ANKS1A: variants seen among roughly 807,000 people sequenced by gnomAD.
ANKS1A encodes ankyrin repeat and SAM domain-containing protein 1A.
A neutral mutation model predicts 120.3 loss-of-function variants in ANKS1A; 55 were observed. The ratio of observed to expected loss-of-function variants is 0.46; its 90% CI spans 0.37 to 0.57. The LOEUF (loss-of-function observed/expected upper bound fraction) is 0.57, where lower values mean the gene tolerates loss of function less well. Ranked by LOEUF, ANKS1A falls within the 20% of genes least tolerant of loss-of-function variation. The pLI is 0.00. For missense variants in ANKS1A, 1,123 were observed against 1,480.3 expected (o/e 0.76, Z 3.96); for synonymous variants, 590 against 604.7 (o/e 0.98, Z 0.36).
intron 13 of ANKS1A, among the ~76,000 whole-genome samples, chr6:35,077,441 G>A (rs1262952262): frequency 2.0e-5 from 3 of 152,202 alleles, no homozygotes; most frequent in Non-Finnish European, 4.4e-5. Flanking sequence ...GGCACCGAGC[G>A]TGTGCGAGAA....
chr6:35,025,526 C>T (rs1581664796), intron 11 of ANKS1A, among the ~76,000 whole-genome samples: 1 of 151,942 alleles, frequency 6.6e-6, no homozygotes, highest in African/African-American at 2.4e-5. Flanking sequence ...GGGGAATGCA[C>T]CCTCCCTGCT....
Position 35,060,066 on chromosome 6 carries a change from AT to A in ANKS1A, c.2078-80del, listed in dbSNP as rs2127591153. 2.6e-6 allele frequency: 3 copies of A among 1,135,624 alleles called. No homozygotes were observed. The highest frequency in any genetic ancestry group is 2.6e-6 in the Non-Finnish European group (2 of 768,544). The allele number at this position is 1,135,624 out of a possible 1,614,324, so 70.3% of individuals were successfully genotyped here. On this transcript the variant is annotated intron_variant, in intron 12 of 23. Coordinates refer to ENST00000360359, the MANE Select transcript of ANKS1A (RefSeq NM_015245.3). This position sits in a 1 kb window ranked among gnomAD's most constrained non-coding sequence, Gnocchi z 4.5. Reference sequence around the variant, plus strand: ...GTAATGACTATGATGTGGCAATGCCATCTATCTTCCTCTGAGTGCCGCTGCT... The same window carrying A: ...GTAATGACTATGATGTGGCAATGCCACTATCTTCCTCTGAGTGCCGCTGCT...
chr6:35,029,027 C>G (rs1008134217), intron 11 of ANKS1A, among the ~76,000 whole-genome samples: 1 of 152,160 alleles, frequency 6.6e-6, no homozygotes, highest in Admixed American at 6.5e-5. Context: ...CTTTTAGTCT[C>G]TTTTTGGTTA....
intron 1 of ANKS1A, among the ~76,000 whole-genome samples, chr6:34,962,415 A>G (rs1377655512): frequency 2.6e-5 from 4 of 152,228 alleles, no homozygotes; most frequent in African/African-American, 9.6e-5. Context: ...TAAAATAGCT[A>G]TACATTATAG....
chr6:34,946,139 C>T (rs1223633174), intron 1 of ANKS1A, among the ~76,000 whole-genome samples: 1 of 151,864 alleles, frequency 6.6e-6, no homozygotes, highest in African/African-American at 2.4e-5. Context: ...TGCCACCACG[C>T]CCAGCTAATT....
chr6:34,893,146 A>G (rs1385753125), intron 1 of ANKS1A, among the ~76,000 whole-genome samples: 2 of 152,286 alleles, frequency 1.3e-5, no homozygotes, highest in Non-Finnish European at 2.9e-5. Context: ...GGATAATACT[A>G]TCTGCCTTAT....
At chr6:34,912,261 G>A (rs181589016) in intron 1 of ANKS1A, among the ~76,000 whole-genome samples, 9 of 152,240 alleles carry the variant, frequency 5.9e-5, no homozygotes, top group Non-Finnish European at 7.4e-5. Context: ...TTATTTATTT[G>A]TTGGTTCTCC....
chr6:35,095,209 A>G (rs981422781), downstream of ANKS1A, among the ~76,000 whole-genome samples: 3 of 151,882 alleles, frequency 2.0e-5, no homozygotes, highest in Non-Finnish European at 2.9e-5. Context: ...GGCAACAAAC[A>G]TAAGCCTTCA....
Position 34,889,637 on chromosome 6 carries a change from C to G in ANKS1A, c.197+38C>G, listed in dbSNP as rs1327407916. On this transcript the variant is annotated intron_variant, in intron 1 of 23. Transcript: ENST00000360359. This position sits in a 1 kb window ranked among gnomAD's most constrained non-coding sequence, Gnocchi z 5.5. ...CAGGGCCGGGCCGCTGCCTGCAGAC[C>G]CTTTCTCCCCCACCCGTCTCTTGGG... 2 of 1,268,466 alleles carry G rather than the reference C, an allele frequency of 1.6e-6. No individual in the cohort carries two copies. The highest frequency in any genetic ancestry group is 2.0e-6 in the Non-Finnish European group (2 of 1,009,364). The allele number at this position is 1,268,466 out of a possible 1,614,324, so 78.6% of individuals were successfully genotyped here.
intron 1 of ANKS1A, among the ~76,000 whole-genome samples, chr6:34,895,909 C>T (rs1429996749): frequency 6.7e-6 from 1 of 150,372 alleles, no homozygotes; most frequent in African/African-American, 2.5e-5. Flanking sequence ...CCTGTCTCAG[C>T]CTCCCGAGTA....
At chr6:34,943,534 A>T (rs1769634375) in intron 1 of ANKS1A, among the ~76,000 whole-genome samples, 1 of 152,116 alleles carries the variant, frequency 6.6e-6, no homozygotes, top group South Asian at 2.1e-4. Flanking sequence ...ATTAAATATC[A>T]TACAAAATAA....
At chr6:34,898,493 G>C (rs1234282916) in intron 1 of ANKS1A, among the ~76,000 whole-genome samples, 1 of 152,156 alleles carries the variant, frequency 6.6e-6, no homozygotes, top group Non-Finnish European at 1.5e-5. Flanking sequence ...CTTCATATCA[G>C]CGTAGGTCAG....
intron 12 of ANKS1A, among the ~76,000 whole-genome samples, chr6:35,055,003 T>C (rs976436118): frequency 6.6e-6 from 1 of 152,234 alleles, no homozygotes; most frequent in Non-Finnish European, 1.5e-5. Context: ...AAATTCTTGC[T>C]CACTCAGGAG....
chr6:35,004,706 G>T (rs1314858329), intron 10 of ANKS1A, among the ~76,000 whole-genome samples: 1 of 152,008 alleles, frequency 6.6e-6, no homozygotes, highest in Admixed American at 6.6e-5. Context: ...CTTGAAGCCA[G>T]GGGTTCAAGA....
chr6:35,078,329 C>T (rs1452249446), intron 13 of ANKS1A, among the ~76,000 whole-genome samples: 1 of 152,188 alleles, frequency 6.6e-6, no homozygotes, highest in African/African-American at 2.4e-5. Context: ...CTTGTGTGCC[C>T]TGGCCGGCCT....
At chr6:34,910,421 C>T (rs932413731) in intron 1 of ANKS1A, among the ~76,000 whole-genome samples, 2 of 152,078 alleles carry the variant, frequency 1.3e-5, no homozygotes, top group African/African-American at 2.4e-5. Flanking sequence ...AAAAATTAGC[C>T]AGATGTGATG....
rs189455134 is a variant in ANKS1A at position 35,001,472 on chromosome 6, C to T, written c.1423+7050C>T. Among the ~76,000 whole-genome samples the T allele has an allele frequency of 1.2e-4, 19 of 152,326 alleles. No homozygotes were observed. In the East Asian group the frequency reaches 2.7e-3, roughly 22 times the overall value. Reference sequence around the variant, plus strand: ...AGTCAGCTCCATGGTAGCTCTTTTCCGGGATTCTACAGCCTGGAGTAATAA... The same window carrying T: ...AGTCAGCTCCATGGTAGCTCTTTTCTGGGATTCTACAGCCTGGAGTAATAA... On this transcript the variant is annotated intron_variant, in intron 10 of 23. Transcript: ENST00000360359.
chr6:34,898,006 T>C (rs1422631116), intron 1 of ANKS1A, among the ~76,000 whole-genome samples: 2 of 152,162 alleles, frequency 1.3e-5, no homozygotes, highest in Admixed American at 6.5e-5. Context: ...ATATATATAA[T>C]GGGCCTGGGA....
chr6:34,937,733 TG>T (rs1408476585), intron 1 of ANKS1A, among the ~76,000 whole-genome samples: 11 of 152,178 alleles, frequency 7.2e-5, no homozygotes, highest in Non-Finnish European at 1.5e-4. Flanking sequence ...AATCCTTCAT[TG>T]GGTTGTTTTG....
Sources: allele counts gnomAD v4.1 joint callset (sites outside exome capture counted in the v4.1 genomes callset), GRCh38; gene constraint gnomAD v4.1.1; non-coding constraint Gnocchi (gnomAD v3.1); transcripts MANE v1.5; gene names NCBI Gene and HGNC (gene_info 2026-07-23, HGNC 2026-07-21).